SORCS3: variants seen among roughly 807,000 people sequenced by gnomAD.
SORCS3 encodes the protein VPS10 domain-containing receptor SorCS3.
SORCS3 carries 57 observed loss-of-function variants against 146.3 expected under a neutral mutation model. That is an observed-to-expected ratio of 0.39 (90% CI 0.31 to 0.49). SORCS3 has a LOEUF of 0.49. SORCS3 is among the 20% of genes least tolerant of loss of function. The pLI is 0.92. For missense variants in SORCS3, 1,341 were observed against 1,575.5 expected (o/e 0.85, Z 2.52); for synonymous variants, 653 against 618.5 (o/e 1.06, Z -0.83).
chr10:104,815,669 AC>A (rs201141039), intron 1 of SORCS3, among the ~76,000 whole-genome samples: 6,910 of 152,044 alleles, frequency 0.045, 226 homozygotes, highest in Admixed American at 0.097. Flanking sequence ...AAATAGACAC[AC>A]TTTTTTTTAA....
At chr10:105,101,644 G>A (rs1441852288) in intron 6 of SORCS3, among the ~76,000 whole-genome samples, 3 of 152,276 alleles carry the variant, frequency 2.0e-5, no homozygotes, top group Middle Eastern at 3.4e-3. Context: ...CCAAGGTTTA[G>A]GTAGGTTTTG....
At chr10:104,740,866 A>T (rs1589480532) in intron 1 of SORCS3, among the ~76,000 whole-genome samples, 1 of 152,180 alleles carries the variant, frequency 6.6e-6, no homozygotes, top group Non-Finnish European at 1.5e-5. Context: ...TTAGGTTAAC[A>T]TAAAGTTAAT....
intron 13 of SORCS3, among the ~76,000 whole-genome samples, chr10:105,176,714 G>T (rs747266793): frequency 6.6e-6 from 1 of 152,012 alleles, no homozygotes; most frequent in Non-Finnish European, 1.5e-5. Flanking sequence ...AAATAGCCAT[G>T]CTTGGTGACA....
intron 8 of SORCS3, among the ~76,000 whole-genome samples, chr10:105,143,088 A>T (rs192171303): frequency 6.6e-6 from 1 of 152,014 alleles, no homozygotes; most frequent in Non-Finnish European, 1.5e-5. Flanking sequence ...CTGTACATCC[A>T]TCTATCCACT....
rs2054871241 is a variant in SORCS3 at position 104,973,154 on chromosome 10, C to A, written c.796-4181C>A. On this transcript the variant is annotated intron_variant, in intron 3 of 26. Transcript: ENST00000369701. ...TCATCAAGGATATTGGTCTAAAATT[C>A]TCTTTTTTGGTTGTGTCTCTGCCCA... 2.0e-5 allele frequency among the ~76,000 whole-genome samples: 3 copies of A among 152,068 alleles called. No homozygotes were observed. The South Asian group carries it at 6.2e-4, about 32-fold the overall frequency.
At chr10:105,219,475 A>G (rs572912807) in intron 19 of SORCS3, among the ~76,000 whole-genome samples, 13 of 152,274 alleles carry the variant, frequency 8.5e-5, no homozygotes, top group Admixed American at 5.9e-4. Context: ...GGAATAAACC[A>G]TACTGTTTTC....
intron 2 of SORCS3, among the ~76,000 whole-genome samples, chr10:104,855,099 C>G (rs2018315272): frequency 6.6e-6 from 1 of 152,144 alleles, no homozygotes; most frequent in African/African-American, 2.4e-5. Flanking sequence ...TCCTACCCTC[C>G]TTGAATTGCT....
At chr10:104,856,444 A>G (rs949478687) in intron 2 of SORCS3, among the ~76,000 whole-genome samples, 5 of 148,032 alleles carry the variant, frequency 3.4e-5, no homozygotes, top group Admixed American at 6.8e-5. Context: ...TTATGATTAT[A>G]TGCTATTCTG....
chr10:105,041,881 T>A (rs2055340644), intron 4 of SORCS3, among the ~76,000 whole-genome samples: 1 of 152,086 alleles, frequency 6.6e-6, no homozygotes. Flanking sequence ...TCTGTAAAAG[T>A]TTTTGGGAAA....
intron 3 of SORCS3, among the ~76,000 whole-genome samples, chr10:104,952,495 G>T (rs369842281): frequency 1.3e-5 from 2 of 151,986 alleles, no homozygotes; most frequent in South Asian, 4.1e-4. Context: ...AGTTTGAAAC[G>T]CATTACTCGA....
At chr10:104,743,787 G>T (rs532466077) in intron 1 of SORCS3, among the ~76,000 whole-genome samples, 1 of 152,098 alleles carries the variant, frequency 6.6e-6, no homozygotes, top group East Asian at 1.9e-4. Flanking sequence ...ACAGGAATCC[G>T]CCTTGTCTGT....
chr10:105,052,500 C>T (rs959958724), intron 5 of SORCS3, among the ~76,000 whole-genome samples: 2 of 152,208 alleles, frequency 1.3e-5, no homozygotes, highest in East Asian at 3.9e-4. Context: ...CAGAGGGGAG[C>T]AAACTTTACT....
intron 1 of SORCS3, among the ~76,000 whole-genome samples, chr10:104,725,765 C>A (rs905637200): frequency 4.6e-5 from 7 of 152,250 alleles, no homozygotes; most frequent in Non-Finnish European, 1.0e-4. Context: ...GGGCATAGGA[C>A]CCGCTGAGCC....
intron 4 of SORCS3, among the ~76,000 whole-genome samples, chr10:104,987,446 T>C (rs1295096054): frequency 3.3e-5 from 5 of 152,202 alleles, no homozygotes; most frequent in African/African-American, 4.8e-5. Flanking sequence ...AAGGCAGTGC[T>C]CTTAAAAAAT....
At chr10:105,031,622 C>T (rs1440697724) in intron 4 of SORCS3, among the ~76,000 whole-genome samples, 3 of 152,176 alleles carry the variant, frequency 2.0e-5, no homozygotes, top group Admixed American at 6.5e-5. Context: ...GAGGCAGCTC[C>T]TTCCAGCCTC....
chr10:105,082,822 C>T (rs941451461), intron 5 of SORCS3, among the ~76,000 whole-genome samples: 6 of 152,128 alleles, frequency 3.9e-5, no homozygotes, highest in Non-Finnish European at 7.3e-5. Flanking sequence ...CCCCTGCCTC[C>T]GAGGTTCAAG....
intron 1 of SORCS3, among the ~76,000 whole-genome samples, chr10:104,759,444 G>A (rs2017094913): frequency 6.6e-6 from 1 of 152,168 alleles, no homozygotes; most frequent in African/African-American, 2.4e-5. Flanking sequence ...ATCCCCTGGG[G>A]AGGGGACATG....
intron 7 of SORCS3, 48 bp downstream of exon 7, chr10:105,105,563 T>G (rs17118355): frequency 7.5e-7 from 1 of 1,330,640 alleles, no homozygotes; most frequent in African/African-American, 1.4e-5. Flanking sequence ...ATCGTTGAAG[T>G]TGGCTGCCTG....
intron 10 of SORCS3, 135 bp downstream of exon 10, chr10:105,157,419 G>T: frequency 9.8e-7 from 1 of 1,024,738 alleles, no homozygotes; most frequent in East Asian, 2.6e-5. Flanking sequence ...AACTTGCAGG[G>T]CATTGGTGTG....
Sources: gnomAD v4.1 joint callset for allele counts (sites outside exome capture counted in the v4.1 genomes callset) on GRCh38, gnomAD v4.1.1 for gene constraint, MANE v1.5 for transcripts, NCBI Gene and HGNC (gene_info 2026-07-23, HGNC 2026-07-21) for gene names.